Variants in FKBP15 observed in about 807,000 individuals in gnomAD.
FKBP15 encodes the protein FK506-binding protein 15.
FKBP15 carries 106 observed loss-of-function variants against 158.1 expected under a neutral mutation model. The observed-to-expected ratio is 0.67, with a 90% CI of 0.57 to 0.79. The LOEUF is 0.79. Ranked by LOEUF, FKBP15 falls within the 30% of genes least tolerant of loss-of-function variation. FKBP15 has a pLI of 0.00. For missense variants in FKBP15, 1,287 were observed against 1,479.1 expected, an observed-to-expected ratio of 0.87 and a Z score of 2.13; for synonymous variants, 547 against 548.6, an observed-to-expected ratio of 1.00 and a Z score of 0.04.
chr9:113,202,921 T>A (rs1830820471), intron 5 of FKBP15, 40 bp downstream of exon 5: 2 of 1,493,022 alleles, frequency 1.3e-6, no homozygotes, highest in Non-Finnish European at 1.9e-6. Flanking sequence ...TGTAAACCTA[T>A]CCCGAAGGAG....
rs1481596604 is a variant in FKBP15, at chr9:113,186,329, T to A, written c.1418A>T (p.Gln473Leu). 1 of 1,568,766 alleles carries A rather than the reference T, an allele frequency of 6.4e-7. No homozygotes were observed. The highest frequency in any genetic ancestry group is 1.2e-5 in the South Asian group (1 of 85,072). Residue 473 changes from glutamine (Q) to leucine (L), a missense_variant, in exon 15 of 28, where the codon CAG (glutamine) becomes CTG (leucine). Gln to Leu is a moderately radical substitution (Grantham distance 113). Transcript: ENST00000238256. ...YAGMQAYAYP[Q>L]ASAVTSQLQP... Reference sequence around the variant, plus strand: ...CAGCTGGGAGGTGACGGCAGATGCCTGGGGATAAGCGTAGGCTTGCATACC... The same window carrying A: ...CAGCTGGGAGGTGACGGCAGATGCCAGGGGATAAGCGTAGGCTTGCATACC...
chr9:113,190,434 CTG>C (rs1243420900), intron 12 of FKBP15, 35 bp downstream of exon 12: 1 of 1,462,148 alleles, frequency 6.8e-7, no homozygotes, highest in South Asian at 1.2e-5. Context: ...ATGGCGACAT[CTG>C]TACTATTCAT....
intron 11 of FKBP15, among the ~76,000 whole-genome samples, chr9:113,192,726 T>C (rs759745060): frequency 1.3e-5 from 2 of 152,182 alleles, no homozygotes; most frequent in African/African-American, 4.8e-5. Context: ...AAAAACTCCA[T>C]AGGCATTATT....
chr9:113,215,644 A>ATTTTTTTTTT (rs1285341545), intron 1 of FKBP15, among the ~76,000 whole-genome samples: 14 of 61,586 alleles, frequency 2.3e-4, no homozygotes, highest in Non-Finnish European at 3.3e-4. Context: ...ATATATATAT[A>ATTTTTTTTTT]TTTTTTTTTT....
chr9:113,220,402 A>C (rs1028143426), intron 1 of FKBP15, among the ~76,000 whole-genome samples: 1 of 152,226 alleles, frequency 6.6e-6, no homozygotes, highest in African/African-American at 2.4e-5. Flanking sequence ...ACTAAAAGAG[A>C]CAAAACCCTT....
chr9:113,201,907 T>C (rs1438846246), intron 6 of FKBP15, among the ~76,000 whole-genome samples: 1 of 152,228 alleles, frequency 6.6e-6, no homozygotes, highest in African/African-American at 2.4e-5. Context: ...TCTACTTATG[T>C]ATATTATGCA....
At chr9:113,171,450 C>A in intron 24 of FKBP15, 131 bp downstream of exon 24, 2 of 1,193,274 alleles carry the variant, frequency 1.7e-6, no homozygotes, top group Non-Finnish European at 2.3e-6. Flanking sequence ...AAATCTGGTT[C>A]ATTTTAAAGT....
chr9:113,203,075 GAC>G, intron 4 of FKBP15, 40 bp from the exon 5 acceptor site: 1 of 1,353,656 alleles, frequency 7.4e-7, no homozygotes, highest in Admixed American at 2.0e-5. Flanking sequence ...AAAAAAGAGA[GAC>G]AGCAGAAGTT....
chr9:113,173,487 G>A lies in FKBP15; in HGVS notation c.2498C>T (p.Ala833Val). The change falls in exon 23 of 28, where the codon GCC becomes GTC. Residue 833 changes from alanine to valine, a missense_variant. Transcript: ENST00000238256. The part of the protein sequence containing the change: ...QYQEVCAQRD[A>V]YQQKLVQLQE... ...AAGTTGTACCAGCTTCTGCTGGTAG[G>A]CATCTCTCTGTGCGCACACCTCCTG... 1 of 1,613,830 alleles carries A rather than the reference G, an allele frequency of 6.2e-7. No individual in the cohort carries two copies. The highest frequency in any genetic ancestry group is 1.1e-5 in the South Asian group (1 of 91,072).
chr9:113,202,925 G>A (rs182532516), intron 5 of FKBP15, 36 bp downstream of exon 5: 39 of 1,521,936 alleles, frequency 2.6e-5, no homozygotes, highest in African/African-American at 1.1e-4. Context: ...AACCTATCCC[G>A]AAGGAGCTAA....
rs189714172 is a variant in FKBP15, at chr9:113,215,066, C to G, written c.54-3474G>C. ...TCTATCAGATTCCCTTAAACTTTCT[C>G]CATGTCAGCAATAAGGCTGTTTTGC... On this transcript the variant is annotated intron_variant, in intron 1 of 27. Transcript: ENST00000238256. Among the ~76,000 whole-genome samples the G allele has an allele frequency of 1.8e-3, 279 of 152,344 alleles. 1 individual carries two copies. The highest frequency in any genetic ancestry group is 3.4e-3 in the Middle Eastern group (1 of 294).
Position 113,211,552 on chromosome 9 carries a change from C to A in FKBP15, c.94G>T (p.Ala32Ser). 6.2e-7 allele frequency: 1 copy of A among 1,607,300 alleles called. No individual in the cohort carries two copies. Among genetic ancestry groups the A allele is most frequent in the Non-Finnish European group, 8.5e-7 (1 of 1,176,866 alleles). ...TGGAAAAATTCATTTCCATGGCCAG[C>A]AGCTGCCTGATCCAGTCCAAAAAGT... Reference protein sequence around the residue: ...ASLFGLDQAAAGHGNEFFQYT... With the variant: ...ASLFGLDQAASGHGNEFFQYT... Residue 32 changes from alanine (A) to serine (S), a missense_variant, in exon 2 of 28, where the codon GCT becomes TCT. Transcript: ENST00000238256.
rs1470669044 is a variant in FKBP15 at position 113,163,608 on chromosome 9, T to C, written c.*2470A>G. On this transcript the variant is annotated 3_prime_UTR_variant, in exon 28 of 28. Transcript: ENST00000238256. ...CTATTTCCCTTTCTTGGGGAGAGAA[T>C]AAGTGACAGCTGATTAAAGGCAGAG... 2 of 152,422 alleles carry C rather than the reference T, an allele frequency of 1.3e-5. No individual in the cohort carries two copies. Among genetic ancestry groups the C allele is most frequent in the African/African-American group, 4.8e-5 (2 of 41,418 alleles). The allele number at this position is 152,422 out of a possible 1,614,324, so 9.4% of individuals were successfully genotyped here.
intron 19 of FKBP15, among the ~76,000 whole-genome samples, chr9:113,179,191 G>A: frequency 6.6e-6 from 1 of 151,940 alleles, no homozygotes; most frequent in East Asian, 1.9e-4. Context: ...TACTATGCCT[G>A]TCTCTATTAT....
intron 22 of FKBP15, 38 bp downstream of exon 22, chr9:113,174,390 C>A: frequency 6.2e-7 from 1 of 1,600,134 alleles, no homozygotes; most frequent in Non-Finnish European, 8.5e-7. Flanking sequence ...TCCTTCACAC[C>A]TTCCCTCTAT....
chr9:113,169,819 T>C lies in FKBP15; in HGVS notation c.2890A>G (p.Ser964Gly), dbSNP rs750942276. 6.4e-7 allele frequency: 1 copy of C among 1,566,116 alleles called. No homozygotes were observed. The highest frequency in any genetic ancestry group is 8.7e-7 in the Non-Finnish European group (1 of 1,154,640). Residue 964 changes from serine (S) to glycine (G), a missense_variant, in exon 26 of 28, where the codon AGT becomes GGT. Coordinates refer to ENST00000238256, the MANE Select transcript of FKBP15 (RefSeq NM_015258.2). ...AGGGGTGCTTGAGGCTGCCCAGAAC[T>C]GGCTGAGGCTGACTGCTCCTGGGAA... Reference protein sequence around the residue: ...RPSQEQSASASSGQPQAPLNR... With the variant: ...RPSQEQSASAGSGQPQAPLNR...
At chr9:113,199,669 C>G in intron 7 of FKBP15, 145 bp downstream of exon 7, 1 of 808,740 alleles carries the variant, frequency 1.2e-6, no homozygotes, top group Admixed American at 3.2e-5. Flanking sequence ...TAATATGCCC[C>G]CAAAGCAATT....
intron 23 of FKBP15, among the ~76,000 whole-genome samples, chr9:113,172,052 A>G (rs941957653): frequency 8.7e-5 from 13 of 149,250 alleles, no homozygotes; most frequent in Non-Finnish European, 3.0e-5. Context: ...CCTGTGTCCA[A>G]GTGTTCTCAC....
rs752245222 is a variant in FKBP15, at chr9:113,184,744, C to T, written c.1559G>A (p.Arg520Gln). 2.5e-6 allele frequency: 4 copies of T among 1,609,214 alleles called. No homozygotes were observed. In the South Asian group the frequency reaches 4.5e-5, roughly 18 times the overall value. The change falls in exon 16 of 28, where the codon CGA becomes CAA. Residue 520 changes from arginine to glutamine, a missense_variant. Arg to Gln is a conservative substitution (Grantham distance 43). Coordinates refer to ENST00000238256, the MANE Select transcript of FKBP15 (RefSeq NM_015258.2). This position sits in a 1 kb window ranked among gnomAD's most constrained non-coding sequence, Gnocchi z 4.5. ...ATCAGCCACTTTGCTGACTGCCATT[C>T]GAATTTCAGTGTTATGTTGCCGGGC... ...TEARQHNTEI[R>Q]MAVSKVADKM...
Sources: gnomAD v4.1 joint callset for allele counts (sites outside exome capture counted in the v4.1 genomes callset) on GRCh38, gnomAD v4.1.1 for gene constraint, Gnocchi (gnomAD v3.1) non-coding constraint, MANE v1.5 for transcripts, NCBI Gene and HGNC (gene_info 2026-07-23, HGNC 2026-07-21) for gene names.